TTC39C: variants seen among roughly 807,000 people sequenced by gnomAD.
The protein encoded by TTC39C is tetratricopeptide repeat domain 39C.
Under a neutral mutation model 76.3 loss-of-function variants are expected in TTC39C, and 33 were observed. The ratio of observed to expected loss-of-function variants is 0.43; its 90% confidence interval spans 0.33 to 0.58. TTC39C has a LOEUF of 0.58. Ranked by LOEUF, TTC39C falls within the 20% of genes least tolerant of loss-of-function variation. The pLI, the probability that TTC39C is intolerant of heterozygous loss-of-function variation, is 0.04. For missense variants in TTC39C, 595 were observed against 701.4 expected, an observed-to-expected ratio of 0.85 and a Z score of 1.71; for synonymous variants, 254 against 260.6, an observed-to-expected ratio of 0.97 and a Z score of 0.24.
At chr18:24,093,478 C>CA (rs34863957) in intron 6 of TTC39C, among the ~76,000 whole-genome samples, 44,461 of 112,980 alleles carry the variant, frequency 0.39, 7,197 homozygotes, top group East Asian at 0.57. Context: ...GACTCTGTCT[C>CA]AAAAAAAAAA....
At chr18:24,116,735 A>G (rs1172099808) in intron 7 of TTC39C, among the ~76,000 whole-genome samples, 2 of 152,064 alleles carry the variant, frequency 1.3e-5, no homozygotes, top group African/African-American at 4.8e-5. Flanking sequence ...AGTATCATGT[A>G]AAGGAAAGTG....
At chr18:24,041,205 A>G (rs2083788490) in intron 1 of TTC39C, among the ~76,000 whole-genome samples, 1 of 152,218 alleles carries the variant, frequency 6.6e-6, no homozygotes, top group Admixed American at 6.5e-5. Context: ...GAGCCCACCT[A>G]CTTTCTGGCC....
chr18:24,123,121 T>C (rs2084994444), intron 8 of TTC39C, among the ~76,000 whole-genome samples: 1 of 152,182 alleles, frequency 6.6e-6, no homozygotes, highest in Admixed American at 6.5e-5. Context: ...AACTCCTCCT[T>C]CTACCACGAA....
At chr18:24,018,965 A>G (rs191530240) in intron 1 of TTC39C, among the ~76,000 whole-genome samples, 14 of 152,118 alleles carry the variant, frequency 9.2e-5, no homozygotes, top group Non-Finnish European at 1.8e-4. Context: ...TGTCTCGTCA[A>G]CTCACTTTTC....
intron 1 of TTC39C, among the ~76,000 whole-genome samples, chr18:24,037,742 C>T (rs2083748291): frequency 1.3e-5 from 2 of 152,154 alleles, no homozygotes; most frequent in African/African-American, 4.8e-5. Flanking sequence ...ATGCAAAATT[C>T]AGTACAAATG....
intron 1 of TTC39C, among the ~76,000 whole-genome samples, chr18:24,023,973 TATATATAC>T (rs1323545051): frequency 0.02 from 336 of 17,108 alleles, 45 homozygotes; most frequent in South Asian, 0.043. Flanking sequence ...TATATATATA[TATATATAC>T]ATATATATAT....
chr18:24,091,892 A>G (rs1244393049), intron 6 of TTC39C, among the ~76,000 whole-genome samples: 1 of 151,924 alleles, frequency 6.6e-6, no homozygotes, highest in Non-Finnish European at 1.5e-5. Context: ...GATCGAGACC[A>G]TCCTGGCTAA....
intron 4 of TTC39C, 76 bp from the exon 5 acceptor site, chr18:24,080,509 G>C (rs2084362868): frequency 8.7e-7 from 1 of 1,150,956 alleles, no homozygotes; most frequent in Non-Finnish European, 1.2e-6. Flanking sequence ...TCAGGTTACT[G>C]TTCAGTATCC....
intron 12 of TTC39C, 112 bp from the exon 13 acceptor site, chr18:24,131,770 C>T (rs2085133418): frequency 1.3e-6 from 1 of 799,370 alleles, no homozygotes. Flanking sequence ...ACAGTTGACT[C>T]ATTGCTATGT....
chr18:24,033,298 T>C lies in TTC39C; in HGVS notation c.167+18260T>C, dbSNP rs552964254. On this transcript the variant is annotated intron_variant, in intron 1 of 13. Transcript: ENST00000317571. ...AAATAACCAGTGCTTTCTCCAATTATGCCATTTGGTAGCCTTGTCTTCCAT... is the reference window on the plus strand; with the variant it reads ...AAATAACCAGTGCTTTCTCCAATTACGCCATTTGGTAGCCTTGTCTTCCAT... Among the ~76,000 whole-genome samples, 39 of 152,336 alleles carry C rather than the reference T, an allele frequency of 2.6e-4. No homozygotes were observed. The South Asian group carries it at 8.1e-3, about 32-fold the overall frequency.
intron 11 of TTC39C, 89 bp from the exon 12 acceptor site, chr18:24,130,224 C>A: frequency 1.7e-6 from 1 of 579,916 alleles, no homozygotes. Context: ...GAGTATGAGT[C>A]CCCCTTCCCG....
At position 24,114,589 on chromosome 18, in the gene TTC39C, T is replaced by G; in HGVS notation, c.1020T>G (p.Thr340=). Reference sequence around the variant, plus strand: ...ACAGTGCCTTGACATCTTTCCACACTGCTTTGGAACTTGCAGTAGACCAGA... The same window carrying G: ...ACAGTGCCTTGACATCTTTCCACACGGCTTTGGAACTTGCAGTAGACCAGA... The part of the protein sequence containing the change: ...QINSALTSFH[T]ALELAVDQRE... Residue 340 remains threonine (T), a synonymous_variant, in exon 7 of 14, where the codon ACT becomes ACG. Coordinates refer to ENST00000317571, the MANE Select transcript of TTC39C (RefSeq NM_001135993.2). 2.5e-6 allele frequency: 4 copies of G among 1,614,088 alleles called. No individual in the cohort carries two copies. The highest frequency in any genetic ancestry group is 3.4e-6 in the Non-Finnish European group (4 of 1,179,974).
chr18:24,113,638 C>A (rs2084847430), intron 6 of TTC39C: 2 of 702,376 alleles, frequency 2.8e-6, no homozygotes, highest in Non-Finnish European at 5.2e-6. Flanking sequence ...GTCAGGTCGT[C>A]TGGCTGTTTA....
chr18:24,042,333 G>T (rs1438869511), intron 1 of TTC39C, among the ~76,000 whole-genome samples: 1 of 152,078 alleles, frequency 6.6e-6, no homozygotes, highest in South Asian at 2.1e-4. Context: ...ATGGTTTTGG[G>T]ATGAAACTGT....
chr18:24,086,482 C>T (rs2084440683), intron 6 of TTC39C, among the ~76,000 whole-genome samples: 1 of 152,144 alleles, frequency 6.6e-6, no homozygotes, highest in African/African-American at 2.4e-5. Context: ...GGATTTCTTC[C>T]ACAGATCTGC....
Position 24,083,069 on chromosome 18 carries a change from A to G in TTC39C, c.972A>G (p.Ile324Met), listed in dbSNP as rs140420514. 63 of 1,613,994 alleles carry G rather than the reference A, an allele frequency of 3.9e-5. No individual in the cohort carries two copies. Among genetic ancestry groups the G allele is most frequent in the Admixed American group, 2.2e-4 (13 of 60,012 alleles). ...SSLFMFFKGR[I>M]QRLECQINSA... is the part of the protein sequence containing the mutation. Reference sequence around the variant, plus strand: ...TCTTTATGTTTTTCAAGGGACGGATACAACGACTAGAGGTACTGTACCTTC... The same window carrying G: ...TCTTTATGTTTTTCAAGGGACGGATGCAACGACTAGAGGTACTGTACCTTC... Residue 324 changes from isoleucine to methionine, a missense_variant, in exon 6 of 14, where the codon ATA becomes ATG. Physicochemically the swap from Ile to Met is conservative, Grantham distance 10 (BLOSUM62 1). Coordinates refer to ENST00000317571, the MANE Select transcript of TTC39C (RefSeq NM_001135993.2).
At chr18:24,095,352 A>G (rs373046267) in intron 6 of TTC39C, among the ~76,000 whole-genome samples, 28 of 152,300 alleles carry the variant, frequency 1.8e-4, no homozygotes, top group African/African-American at 6.7e-4. Flanking sequence ...AGTAATGCTG[A>G]TTTGCTTTCT....
intron 1 of TTC39C, among the ~76,000 whole-genome samples, chr18:24,053,139 G>GA (rs890182518): frequency 2.0e-5 from 3 of 152,100 alleles, no homozygotes; most frequent in African/African-American, 7.2e-5. Context: ...TTTTCCTTTG[G>GA]AAAAATATTC....
intron 1 of TTC39C, among the ~76,000 whole-genome samples, chr18:24,021,680 G>A (rs2083520145): frequency 6.6e-6 from 1 of 151,368 alleles, no homozygotes; most frequent in African/African-American, 2.4e-5. Context: ...CTTTTCTTAT[G>A]TAAAGATGGT....
Sources: gnomAD v4.1 joint callset for allele counts (sites outside exome capture counted in the v4.1 genomes callset) on GRCh38, gnomAD v4.1.1 for gene constraint, MANE v1.5 for transcripts, NCBI Gene and HGNC (gene_info 2026-07-23, HGNC 2026-07-21) for gene names.